EYS: variants seen among roughly 807,000 people sequenced by gnomAD.
The protein encoded by EYS is protein eyes shut homolog.
EYS carries 250 observed loss-of-function variants against 282.1 expected under a neutral mutation model. That is an observed-to-expected ratio of 0.89 (90% CI 0.80 to 0.98). EYS has a LOEUF of 0.98. Among genes scored for constraint, EYS ranks in the 50% least tolerant of loss-of-function variants. EYS has a pLI of 0.00. For missense variants in EYS, 4,016 were observed against 3,709.0 expected (o/e 1.08, Z -2.15); for synonymous variants, 1,355 against 1,282.9 (o/e 1.06, Z -1.20).
intron 33 of EYS, among the ~76,000 whole-genome samples, chr6:64,024,689 G>A (rs995385331): frequency 2.0e-5 from 3 of 151,992 alleles, no homozygotes; most frequent in African/African-American, 7.2e-5. Context: ...GCGAGACCAC[G>A]AACTCACCGG....
intron 30 of EYS, among the ~76,000 whole-genome samples, chr6:64,255,725 TTG>T (rs1162576293): frequency 6.6e-6 from 1 of 152,170 alleles, no homozygotes; most frequent in East Asian, 1.9e-4. Context: ...GTGTGTATGT[TTG>T]TGTTTGAACA....
At chr6:63,942,800 T>A (rs1765282218) in intron 35 of EYS, among the ~76,000 whole-genome samples, 1 of 152,180 alleles carries the variant, frequency 6.6e-6, no homozygotes, top group Admixed American at 6.5e-5. Context: ...CCCTTCTGTC[T>A]CTTCTACCTC....
chr6:63,952,143 A>C (rs1429751539), intron 35 of EYS, among the ~76,000 whole-genome samples: 1 of 152,258 alleles, frequency 6.6e-6, no homozygotes, highest in South Asian at 2.1e-4. Flanking sequence ...GCGGTTAAGC[A>C]TTCCTACAGG....
chr6:63,861,423 G>T (rs1198608034), intron 36 of EYS, among the ~76,000 whole-genome samples: 2 of 152,160 alleles, frequency 1.3e-5, no homozygotes, highest in Non-Finnish European at 2.9e-5. Context: ...TATAAAATCT[G>T]TTAGAGATAA....
intron 30 of EYS, among the ~76,000 whole-genome samples, chr6:64,263,864 T>C (rs1018163770): frequency 6.6e-6 from 1 of 152,136 alleles, no homozygotes; most frequent in Non-Finnish European, 1.5e-5. Flanking sequence ...AAGCAACATC[T>C]TCTCTCAATA....
At chr6:65,568,825 G>T (rs775159662) in intron 2 of EYS, among the ~76,000 whole-genome samples, 1 of 152,064 alleles carries the variant, frequency 6.6e-6, no homozygotes, top group South Asian at 2.1e-4. Flanking sequence ...ACAAATGTAC[G>T]TATAAAAAAC....
chr6:63,889,620 A>G (rs1773357327), intron 35 of EYS, among the ~76,000 whole-genome samples: 2 of 152,248 alleles, frequency 1.3e-5, no homozygotes, highest in South Asian at 4.1e-4. Flanking sequence ...TCCTGAAGAA[A>G]GCATTAAATA....
At chr6:65,062,086 C>T (rs970450337) in intron 12 of EYS, among the ~76,000 whole-genome samples, 2 of 151,788 alleles carry the variant, frequency 1.3e-5, no homozygotes, top group Non-Finnish European at 2.9e-5. Flanking sequence ...TTTACAGAAA[C>T]CTCAACCGTA....
chr6:63,846,174 C>T lies in EYS; in HGVS notation c.7228+18012G>A, dbSNP rs1772092468. ...CAAACTTAAAATGCAACGGATATAG[C>T]TATCTCAGGAAAAATCAACTCTCCA... is the stretch of plus-strand genomic sequence containing the variant. On this transcript the variant is annotated intron_variant, in intron 36 of 42. Coordinates refer to ENST00000503581, the MANE Select transcript of EYS (RefSeq NM_001142800.2). 2.0e-5 allele frequency among the ~76,000 whole-genome samples: 3 copies of T among 152,140 alleles called. No homozygotes were observed. In the South Asian group the frequency reaches 6.2e-4, roughly 32 times the overall value.
intron 22 of EYS, among the ~76,000 whole-genome samples, chr6:64,751,282 G>C (rs1772745214): frequency 6.6e-6 from 1 of 152,206 alleles, no homozygotes; most frequent in East Asian, 1.9e-4. Context: ...TGGTGGAGCA[G>C]TGCTCTTTCC....
chr6:65,045,528 T>G (rs1276364569), intron 13 of EYS, among the ~76,000 whole-genome samples: 1 of 151,830 alleles, frequency 6.6e-6, no homozygotes, highest in Non-Finnish European at 1.5e-5. Context: ...ATTCGAGTCC[T>G]TATAAAAGAG....
At chr6:63,802,501 C>T (rs992393527) in intron 37 of EYS, among the ~76,000 whole-genome samples, 1 of 151,574 alleles carries the variant, frequency 6.6e-6, no homozygotes, top group African/African-American at 2.4e-5. Flanking sequence ...ATAAAAAGCA[C>T]CTAAGATTCT....
chr6:64,902,194 C>G lies in EYS; in HGVS notation c.2765G>C (p.Gly922Ala), dbSNP rs868452605. ...FRCICRPGFS[G>A]SLCEIEINEC... ...ATTAATTTCAATTTCACACAGAGATCCAGAAAACCCAGGTCTGCAAATACA... is the reference window on the plus strand; with the variant it reads ...ATTAATTTCAATTTCACACAGAGATGCAGAAAACCCAGGTCTGCAAATACA... The change falls in exon 18 of 43, where the codon GGA becomes GCA. Residue 922 changes from glycine (G) to alanine (A), a missense_variant. Physicochemically the swap from Gly to Ala is moderately conservative, Grantham distance 60. Coordinates refer to ENST00000503581, the MANE Select transcript of EYS (RefSeq NM_001142800.2). 2 of 1,550,396 alleles carry G rather than the reference C, an allele frequency of 1.3e-6. No individual in the cohort carries two copies. The highest frequency in any genetic ancestry group is 2.4e-5 in the South Asian group (2 of 83,930).
chr6:64,658,708 T>C (rs1768863132), intron 22 of EYS, among the ~76,000 whole-genome samples: 1 of 152,214 alleles, frequency 6.6e-6, no homozygotes, highest in Non-Finnish European at 1.5e-5. Flanking sequence ...GGATCAATCC[T>C]CTGGAAGTCT....
chr6:65,353,657 T>C, intron 8 of EYS, 40 bp from the exon 9 acceptor site: 1 of 1,568,048 alleles, frequency 6.4e-7, no homozygotes, highest in Non-Finnish European at 8.8e-7. Flanking sequence ...AATTCTTTTT[T>C]GATATATTTT....
At chr6:64,623,574 C>T (rs974088125) in intron 23 of EYS, among the ~76,000 whole-genome samples, 1 of 152,068 alleles carries the variant, frequency 6.6e-6, no homozygotes, top group Non-Finnish European at 1.5e-5. Flanking sequence ...AAAGAACTCA[C>T]ACATTTGATC....
intron 30 of EYS, among the ~76,000 whole-genome samples, chr6:64,299,709 C>T (rs1769167555): frequency 6.6e-6 from 1 of 152,144 alleles, no homozygotes; most frequent in Non-Finnish European, 1.5e-5. Context: ...TTTGCAGGCT[C>T]AATTAAGGGA....
chr6:65,015,098 A>G (rs1771999088), intron 13 of EYS, among the ~76,000 whole-genome samples: 1 of 152,204 alleles, frequency 6.6e-6, no homozygotes, highest in Non-Finnish European at 1.5e-5. Context: ...GAAGCAACAC[A>G]ACCCTGCAAT....
At chr6:65,670,774 A>G (rs1469842510) in intron 1 of EYS, among the ~76,000 whole-genome samples, 1 of 152,066 alleles carries the variant, frequency 6.6e-6, no homozygotes. Flanking sequence ...ACACTAGAAT[A>G]TTTTCTCTTC....
Sources: gnomAD v4.1 joint callset for allele counts (sites outside exome capture counted in the v4.1 genomes callset) on GRCh38, gnomAD v4.1.1 for gene constraint, MANE v1.5 for transcripts, NCBI Gene and HGNC (gene_info 2026-07-23, HGNC 2026-07-21) for gene names.